Variants in MGAT4C observed in about 807,000 individuals in gnomAD.
MGAT4C encodes alpha-1,3-mannosyl-glycoprotein 4-beta-N-acetylglucosaminyltransferase C.
In MGAT4C, 19 loss-of-function variants were observed where a neutral mutation model predicts 40.1. The ratio of observed to expected loss-of-function variants is 0.47; its 90% CI spans 0.33 to 0.70. MGAT4C has a LOEUF of 0.70. MGAT4C is among the 30% of genes least tolerant of loss of function. The probability of loss-of-function intolerance (pLI) is 0.02; values close to 1 mark genes in which losing one functional copy is unlikely to be tolerated. For missense variants in MGAT4C, 491 were observed against 563.2 expected (o/e 0.87, Z 1.30); for synonymous variants, 181 against 187.1 (o/e 0.97, Z 0.27).
intron 1 of MGAT4C, among the ~76,000 whole-genome samples, chr12:86,739,591 T>C (rs1327916058): frequency 6.6e-6 from 1 of 151,022 alleles, no homozygotes; most frequent in Non-Finnish European, 1.5e-5. Context: ...ATCATTATTC[T>C]CTAAACAATA....
At chr12:86,173,560 C>T (rs1268391791) in intron 1 of MGAT4C, among the ~76,000 whole-genome samples, 2 of 152,058 alleles carry the variant, frequency 1.3e-5, no homozygotes, top group Non-Finnish European at 2.9e-5. Context: ...AAATATATCA[C>T]ATTTATTTGC....
At chr12:86,790,718 G>A (rs749539601) in intron 1 of MGAT4C, among the ~76,000 whole-genome samples, 2 of 152,004 alleles carry the variant, frequency 1.3e-5, no homozygotes, top group Admixed American at 6.6e-5. Flanking sequence ...GCAAGCCCAA[G>A]ACTGTCTGTA....
In MGAT4C at chr12:86,126,434, A is replaced by C. The variant is rs538409933; in HGVS notation, c.-56-76711T>G. Among the ~76,000 whole-genome samples the C allele has an allele frequency of 3.3e-5, 5 of 152,290 alleles. No individual in the cohort carries two copies. In the South Asian group the frequency reaches 1.0e-3, roughly 32 times the overall value. ...ACTATCTTAATTACACAATTAAAAA[A>C]GCCAGTTTAACCGTTGTACTAAATT... On this transcript the variant is annotated intron_variant, in intron 1 of 4. Coordinates refer to ENST00000611864, the MANE Select transcript of MGAT4C (RefSeq NM_001351288.2).
chr12:86,766,702 A>G (rs1410373812), intron 1 of MGAT4C, among the ~76,000 whole-genome samples: 1 of 152,070 alleles, frequency 6.6e-6, no homozygotes, highest in African/African-American at 2.4e-5. Flanking sequence ...CTAGAACTCA[A>G]GATTAAGAAA....
chr12:86,114,872 CG>C (rs1878128132), intron 1 of MGAT4C, among the ~76,000 whole-genome samples: 1 of 151,760 alleles, frequency 6.6e-6, no homozygotes, highest in Non-Finnish European at 1.5e-5. Flanking sequence ...AATAATGTGA[CG>C]TTTGGTGACA....
At chr12:86,094,147 G>T (rs988797668) in intron 1 of MGAT4C, among the ~76,000 whole-genome samples, 2 of 152,074 alleles carry the variant, frequency 1.3e-5, no homozygotes, top group Non-Finnish European at 2.9e-5. Flanking sequence ...AATATTGTGT[G>T]AATCATGGAA....
chr12:86,311,467 T>G (rs1199882092), intron 4 of MGAT4C, among the ~76,000 whole-genome samples: 1 of 93,630 alleles, frequency 1.1e-5, no homozygotes, highest in Non-Finnish European at 2.1e-5. Flanking sequence ...GATTTTTGCT[T>G]TGGTCTAAAC....
intron 2 of MGAT4C, among the ~76,000 whole-genome samples, chr12:86,687,587 G>A (rs1195357925): frequency 6.6e-6 from 1 of 152,008 alleles, no homozygotes; most frequent in Non-Finnish European, 1.5e-5. Flanking sequence ...ACTTTATTTT[G>A]TTATTTACGC....
At chr12:86,023,851 A>G (rs1291769701) in intron 2 of MGAT4C, among the ~76,000 whole-genome samples, 1 of 151,700 alleles carries the variant, frequency 6.6e-6, no homozygotes, top group Non-Finnish European at 1.5e-5. Flanking sequence ...GAGTTGGGCA[A>G]TTTAAAGGTC....
At chr12:86,749,035 C>T (rs2136139131) in intron 1 of MGAT4C, among the ~76,000 whole-genome samples, 1 of 150,980 alleles carries the variant, frequency 6.6e-6, no homozygotes, top group African/African-American at 2.4e-5. Context: ...CTGGTACTCA[C>T]CCCATCTGGT....
At chr12:86,382,824 T>A (rs1362121237) in intron 3 of MGAT4C, among the ~76,000 whole-genome samples, 1 of 152,210 alleles carries the variant, frequency 6.6e-6, no homozygotes, top group Non-Finnish European at 1.5e-5. Flanking sequence ...GCTGTGAGTG[T>A]ACAGAAGTCA....
chr12:86,515,910 T>A (rs931508827), intron 2 of MGAT4C, among the ~76,000 whole-genome samples: 1 of 151,336 alleles, frequency 6.6e-6, no homozygotes, highest in South Asian at 2.1e-4. Context: ...GCCCAGCTAA[T>A]TTTTTTTGTA....
At chr12:86,590,813 C>G (rs1236149360) in intron 2 of MGAT4C, among the ~76,000 whole-genome samples, 1 of 151,868 alleles carries the variant, frequency 6.6e-6, no homozygotes, top group Non-Finnish European at 1.5e-5. Flanking sequence ...CAGATGGAGG[C>G]AGATTGCATT....
At chr12:86,226,464 C>G (rs573572327) in intron 1 of MGAT4C, among the ~76,000 whole-genome samples, 1 of 151,846 alleles carries the variant, frequency 6.6e-6, no homozygotes, top group Non-Finnish European at 1.5e-5. Flanking sequence ...AATAACCCCC[C>G]ACTGGTAAAA....
chr12:86,075,200 T>C (rs561371311), intron 1 of MGAT4C, among the ~76,000 whole-genome samples: 20 of 152,332 alleles, frequency 1.3e-4, no homozygotes, highest in African/African-American at 4.8e-4. Context: ...AATACAGCCA[T>C]TCCAAATGGG....
chr12:86,150,008 C>T (rs964510435), intron 1 of MGAT4C, among the ~76,000 whole-genome samples: 17 of 152,068 alleles, frequency 1.1e-4, no homozygotes, highest in African/African-American at 3.1e-4. Context: ...CACCAGGGAC[C>T]GGTTTCATGG....
At chr12:86,219,405 T>C (rs1950796453) in intron 1 of MGAT4C, among the ~76,000 whole-genome samples, 2 of 152,184 alleles carry the variant, frequency 1.3e-5, no homozygotes, top group African/African-American at 4.8e-5. Flanking sequence ...GTCTGATTTG[T>C]TAAACCCATA....
intron 2 of MGAT4C, among the ~76,000 whole-genome samples, chr12:86,675,487 T>C (rs1305626432): frequency 6.6e-6 from 1 of 152,180 alleles, no homozygotes; most frequent in East Asian, 1.9e-4. Flanking sequence ...GGGAACCAGA[T>C]GACCAAGGCT....
At chr12:86,406,708 T>G (rs1263480921) in intron 3 of MGAT4C, among the ~76,000 whole-genome samples, 1 of 151,962 alleles carries the variant, frequency 6.6e-6, no homozygotes, top group African/African-American at 2.4e-5. Flanking sequence ...TTTGGCAGTT[T>G]CTTTAAAAAA....
Sources: gnomAD v4.1 joint callset for allele counts (sites outside exome capture counted in the v4.1 genomes callset) on GRCh38, gnomAD v4.1.1 for gene constraint, MANE v1.5 for transcripts, NCBI Gene and HGNC (gene_info 2026-07-23, HGNC 2026-07-21) for gene names.